Variants in STX7 observed in about 807,000 individuals in gnomAD.
STX7 encodes syntaxin 7.
In STX7, 34 loss-of-function variants were observed where a neutral mutation model predicts 39.6. The observed-to-expected ratio is 0.86, with a 90% CI of 0.65 to 1.14. The LOEUF (loss-of-function observed/expected upper bound fraction) is 1.14. STX7 is among the 50% of genes most tolerant of loss of function. The pLI is 0.00. For missense variants in STX7, 284 were observed against 310.4 expected (o/e 0.92, Z 0.64); for synonymous variants, 119 against 99.1 (o/e 1.20, Z -1.19).
At chr6:132,512,120 A>T (rs1775861438) in intron 1 of STX7, among the ~76,000 whole-genome samples, 1 of 146,548 alleles carries the variant, frequency 6.8e-6, no homozygotes, top group Non-Finnish European at 1.5e-5. Flanking sequence ...AACCTGCAGA[A>T]GAAATGTCCA....
intron 9 of STX7, among the ~76,000 whole-genome samples, chr6:132,463,049 C>T (rs890211797): frequency 6.6e-6 from 1 of 152,008 alleles, no homozygotes. Context: ...CAGCAAAACT[C>T]TATCTCTACA....
At chr6:132,471,338 T>G in intron 5 of STX7, 125 bp downstream of exon 5, 1 of 1,115,872 alleles carries the variant, frequency 9.0e-7, no homozygotes, top group African/African-American at 1.6e-5. Flanking sequence ...AAATAAATAT[T>G]CAAGAGCTGA....
At chr6:132,464,687 C>T (rs1348303255) in intron 8 of STX7, among the ~76,000 whole-genome samples, 1 of 152,140 alleles carries the variant, frequency 6.6e-6, no homozygotes, top group African/African-American at 2.4e-5. Flanking sequence ...AATACCTATG[C>T]TCTACTTAGT....
intron 7 of STX7, among the ~76,000 whole-genome samples, 188 bp downstream of exon 7, chr6:132,469,763 T>G (rs1050657487): frequency 6.6e-6 from 1 of 152,144 alleles, no homozygotes; most frequent in Non-Finnish European, 1.5e-5. Context: ...CGCTTGAAGC[T>G]GGGAGGCGGA....
At chr6:132,475,316 G>A (rs541328636) in intron 3 of STX7, 10 of 202,020 alleles carry the variant, frequency 4.9e-5, no homozygotes, top group Non-Finnish European at 9.9e-5. Flanking sequence ...TAGAGACGGG[G>A]TTTCACCATA....
intron 2 of STX7, among the ~76,000 whole-genome samples, chr6:132,484,046 G>A (rs1775071992): frequency 6.6e-6 from 1 of 152,106 alleles, no homozygotes; most frequent in Non-Finnish European, 1.5e-5. Context: ...AGAATAAACA[G>A]TTTCTTGAAG....
chr6:132,446,276 G>C lies in STX7; in HGVS notation c.*14482C>G, dbSNP rs1032343164. 1 of 152,062 alleles carries C rather than the reference G, an allele frequency of 6.6e-6. No homozygotes were observed. Among genetic ancestry groups the C allele is most frequent in the African/African-American group, 2.4e-5 (1 of 41,398 alleles). The allele number at this position is 152,062 out of a possible 1,614,324, so 9.4% of individuals were successfully genotyped here. On this transcript the variant is annotated 3_prime_UTR_variant, in exon 10 of 10. Coordinates refer to ENST00000367941, the MANE Select transcript of STX7 (RefSeq NM_003569.3). ...TTGGTCTGATCATTCATCTTCTCGA[G>C]GCCAAGTACTTGGTCTGAACACAGA...
chr6:132,458,595 T>G lies in STX7; in HGVS notation c.*2163A>C, dbSNP rs2114337579. The G allele has an allele frequency of 6.6e-6, 1 of 152,328 alleles. No homozygotes were observed. Among genetic ancestry groups the G allele is most frequent in the Non-Finnish European group, 1.5e-5 (1 of 68,034 alleles). 9.4% of individuals were successfully genotyped at this position (152,328 alleles called of 1,614,324 possible). A position where few individuals can be genotyped will look rare whatever the true frequency, so the allele number is the denominator to read the frequency against. On this transcript the variant is annotated 3_prime_UTR_variant, in exon 10 of 10. Transcript: ENST00000367941. Reference sequence around the variant, plus strand: ...GTCAGTTATGAAAACAACTCTAATTTTAATCTCCACAGGGCAACCTTCACT... The same window carrying G: ...GTCAGTTATGAAAACAACTCTAATTGTAATCTCCACAGGGCAACCTTCACT...
intron 3 of STX7, among the ~76,000 whole-genome samples, chr6:132,474,510 G>A (rs998601633): frequency 7.3e-5 from 11 of 151,396 alleles, no homozygotes; most frequent in African/African-American, 2.2e-4. Context: ...TTTTAATATC[G>A]TCCTCTTTGC....
chr6:132,501,193 C>T (rs1775551391), intron 2 of STX7, among the ~76,000 whole-genome samples: 2 of 152,056 alleles, frequency 1.3e-5, no homozygotes, highest in Non-Finnish European at 2.9e-5. Context: ...GCTGGGATTA[C>T]AGGCATATGC....
intron 1 of STX7, among the ~76,000 whole-genome samples, chr6:132,505,329 G>A (rs1013166192): frequency 1.3e-5 from 2 of 152,114 alleles, no homozygotes; most frequent in Non-Finnish European, 2.9e-5. Flanking sequence ...TTGCTCTAAG[G>A]GACAGTGTTG....
rs906955260 is a variant in STX7 at position 132,472,459 on chromosome 6, A to G, written c.156-84T>C. The G allele has an allele frequency of 7.8e-6, 8 of 1,028,062 alleles. No individual in the cohort carries two copies. The African/African-American group carries it at 9.8e-5, about 13-fold the overall frequency. The allele number at this position is 1,028,062 out of a possible 1,614,324, so 63.7% of individuals were successfully genotyped here. On this transcript the variant is annotated intron_variant, in intron 3 of 9. Transcript: ENST00000367941. ...CTCTGCCTTTTGAATCAACACTGAT[A>G]AACAGTTGTACAAAAATTGCCTTTT...
chr6:132,498,669 G>A (rs1486241413), intron 2 of STX7, among the ~76,000 whole-genome samples: 1 of 152,136 alleles, frequency 6.6e-6, no homozygotes, highest in African/African-American at 2.4e-5. Context: ...GAACCTAAAT[G>A]TGGTGCAAAG....
Position 132,460,786 on chromosome 6 carries a change from C to T in STX7, c.758G>A (p.Ser253Asn). The stretch of plus-strand genomic sequence containing the variant: ...GTGGTTCAATCCCCATATGATGAGA[C>T]TGATAATCGCAACTCCAATGACAAG... ...LILVIGVAII[S>N]LIIWGLNH The change falls in exon 10 of 10, where the codon AGT (serine) becomes AAT (asparagine). Residue 253 changes from serine to asparagine, a missense_variant. Physicochemically the swap from Ser to Asn is conservative, Grantham distance 46. Transcript: ENST00000367941. 1.2e-6 allele frequency: 2 copies of T among 1,613,554 alleles called. No homozygotes were observed. Among genetic ancestry groups the T allele is most frequent in the Non-Finnish European group, 1.7e-6 (2 of 1,179,738 alleles).
chr6:132,464,603 A>T (rs1774511650), intron 8 of STX7, among the ~76,000 whole-genome samples: 1 of 152,228 alleles, frequency 6.6e-6, no homozygotes, highest in Non-Finnish European at 1.5e-5. Context: ...TCATTATGTT[A>T]GTCATTAATG....
intron 1 of STX7, among the ~76,000 whole-genome samples, chr6:132,508,996 C>T (rs776724083): frequency 6.6e-6 from 1 of 152,028 alleles, no homozygotes; most frequent in East Asian, 1.9e-4. Flanking sequence ...GGTATAATTG[C>T]TAATGTGATT....
At position 132,509,506 on chromosome 6, in the gene STX7, AC is replaced by A. The variant is rs1322636596; in HGVS notation, c.-59+3500del. ...ACATAACATAACATAACATAACATA[AC>A]ATAACATAAAATAAAAAAAGACAAA... On this transcript the variant is annotated intron_variant, in intron 1 of 9. Transcript: ENST00000367941. Among the ~76,000 whole-genome samples, 912 of 146,236 alleles carry A rather than the reference AC, an allele frequency of 6.2e-3. 119 individuals are homozygous for A. Among genetic ancestry groups the A allele is most frequent in the African/African-American group, 0.022 (868 of 39,620 alleles).
At position 132,455,593 on chromosome 6, in the gene STX7, C is replaced by T. The variant is rs1480243667; in HGVS notation, c.*5165G>A. ...ACCACTTACATTTTAAGCATAAATG[C>T]CATCACTACACAAAACCTACGGGAA... is the stretch of plus-strand genomic sequence containing the variant. On this transcript the variant is annotated 3_prime_UTR_variant, in exon 10 of 10. Coordinates refer to ENST00000367941, the MANE Select transcript of STX7 (RefSeq NM_003569.3). 6.6e-6 allele frequency: 1 copy of T among 152,162 alleles called. No individual in the cohort carries two copies. The allele number at this position is 152,162 out of a possible 1,614,324, so 9.4% of individuals were successfully genotyped here.
chr6:132,464,080 A>G lies in STX7; in HGVS notation c.611-5T>C. 1 of 1,613,254 alleles carries G rather than the reference A, an allele frequency of 6.2e-7. No individual in the cohort carries two copies. The highest frequency in any genetic ancestry group is 1.7e-5 in the Admixed American group (1 of 60,008). ...CCACATTGGCTTCTATGCTATCTGT[A>G]AAATAAAACACACACACACAAATGT... On this transcript the variant is annotated splice_region_variant and splice_polypyrimidine_tract_variant and intron_variant, in intron 8 of 9. Transcript: ENST00000367941.
Sources: allele counts gnomAD v4.1 joint callset (sites outside exome capture counted in the v4.1 genomes callset), GRCh38; gene constraint gnomAD v4.1.1; transcripts MANE v1.5; gene names NCBI Gene and HGNC (gene_info 2026-07-23, HGNC 2026-07-21).